RNF181: variants seen among roughly 807,000 people sequenced by gnomAD.
The protein encoded by RNF181 is E3 ubiquitin-protein ligase RNF181.
RNF181 carries 25 observed loss-of-function variants against 23.3 expected under a neutral mutation model. The ratio of observed to expected loss-of-function variants is 1.07; its 90% CI spans 0.78 to 1.50. RNF181 has a LOEUF of 1.50. Ranked by LOEUF, RNF181 falls within the 40% of genes most tolerant of loss-of-function variation. The pLI is 0.00. For missense variants in RNF181, 167 were observed against 191.1 expected, an observed-to-expected ratio of 0.87 and a Z score of 0.74; for synonymous variants, 62 against 70.9, an observed-to-expected ratio of 0.87 and a Z score of 0.63.
intron 1 of RNF181, 76 bp from the exon 2 acceptor site, chr2:85,596,433 AGCGTGTTTAT>A: frequency 7.3e-7 from 1 of 1,370,268 alleles, no homozygotes; most frequent in Non-Finnish European, 9.9e-7. Flanking sequence ...CTAGCTGGGC[AGCGTGTTTAT>A]TAATGTCCAG....
Position 85,597,643 on chromosome 2 carries a change from TTC to T in RNF181, c.*141_*142del. On this transcript the variant is annotated 3_prime_UTR_variant, in exon 5 of 5. Transcript: ENST00000306368. The stretch of plus-strand genomic sequence containing the variant: ...TCTGCATCCTCCATCAGGTCTCTAC[TTC>T]TGTTGGGGAAGGTGATCCTAAATCG... The T allele has an allele frequency of 2.8e-6, 4 of 1,427,664 alleles. No individual in the cohort carries two copies. The highest frequency in any genetic ancestry group is 2.8e-6 in the Non-Finnish European group (3 of 1,085,260). 88.4% of individuals were successfully genotyped at this position (1,427,664 alleles called of 1,614,324 possible).
rs549925849 is a variant in RNF181 at position 85,596,967 on chromosome 2, T to G, written c.327+36T>G. On this transcript the variant is annotated intron_variant, in intron 3 of 4. Transcript: ENST00000306368. Reference sequence around the variant, plus strand: ...TCTTCTTCTAGCTCTCACCGTGCCCTGGGCCCAGTACTCAAGCTTCTTTCT... The same window carrying G: ...TCTTCTTCTAGCTCTCACCGTGCCCGGGGCCCAGTACTCAAGCTTCTTTCT... The G allele has an allele frequency of 3.4e-5, 55 of 1,614,110 alleles. No homozygotes were observed. The Middle Eastern group carries it at 4.9e-4, about 15-fold the overall frequency.
In RNF181 at chr2:85,597,633, A is replaced by G; in HGVS notation, c.*129A>G. The G allele has an allele frequency of 6.8e-7, 1 of 1,463,368 alleles. No homozygotes were observed. Among genetic ancestry groups the G allele is most frequent in the Non-Finnish European group, 9.0e-7 (1 of 1,106,858 alleles). 90.6% of individuals were successfully genotyped at this position (1,463,368 alleles called of 1,614,324 possible). The stretch of plus-strand genomic sequence containing the variant: ...GGCCAGGGGCTCTGCATCCTCCATC[A>G]GGTCTCTACTTCTGTTGGGGAAGGT... On this transcript the variant is annotated 3_prime_UTR_variant, in exon 5 of 5. Coordinates refer to ENST00000306368, the MANE Select transcript of RNF181 (RefSeq NM_016494.4).
intron 4 of RNF181, 130 bp downstream of exon 4, chr2:85,597,308 C>A (rs377031223): frequency 7.2e-6 from 10 of 1,395,844 alleles, no homozygotes; most frequent in Non-Finnish European, 9.8e-6. Flanking sequence ...TTCTTAGTGA[C>A]TTTGATTTGT....
Position 85,597,480 on chromosome 2 carries a change from C to T in RNF181, c.438C>T (p.Asn146=), listed in dbSNP as rs1453849093. The T allele has an allele frequency of 1.9e-6, 3 of 1,612,876 alleles. No homozygotes were observed. Among genetic ancestry groups the T allele is most frequent in the South Asian group, 2.2e-5 (2 of 90,914 alleles). ...RKQQQQHRLE[N]LHGAMYT is the part of the protein sequence containing the mutation. ...AGCAGCAGCAACACCGACTGGAGAA[C>T]CTCCATGGAGCCATGTACACGTGAG... is the stretch of plus-strand genomic sequence containing the variant. The change falls in exon 5 of 5, where the codon AAC becomes AAT. Residue 146 remains asparagine (N), a synonymous_variant. Coordinates refer to ENST00000306368, the MANE Select transcript of RNF181 (RefSeq NM_016494.4).
At chr2:85,596,682 C>T in intron 2 of RNF181, 33 bp downstream of exon 2, 1 of 1,613,674 alleles carries the variant, frequency 6.2e-7, no homozygotes, top group Non-Finnish European at 8.5e-7. Context: ...CTATTTGGGC[C>T]AGACCCACCC....
Position 85,595,745 on chromosome 2 carries a change from G to C in RNF181, c.-19G>C, listed in dbSNP as rs375993615. The C allele has an allele frequency of 8.7e-6, 14 of 1,611,758 alleles. No individual in the cohort carries two copies. The highest frequency in any genetic ancestry group is 4.0e-5 in the African/African-American group (3 of 74,894). On this transcript the variant is annotated 5_prime_UTR_variant, in exon 1 of 5. Transcript: ENST00000306368. ...CTATCGAGCAGGGTCCGAGGGCTGT[G>C]TCAGAAGGCTGGGCAGCCATGGCGT...
At position 85,597,561 on chromosome 2, in the gene RNF181, A is replaced by T; in HGVS notation, c.*57A>T. 6.2e-7 allele frequency: 1 copy of T among 1,607,880 alleles called. No individual in the cohort carries two copies. Among genetic ancestry groups the T allele is most frequent in the Non-Finnish European group, 8.5e-7 (1 of 1,177,586 alleles). On this transcript the variant is annotated 3_prime_UTR_variant, in exon 5 of 5. Transcript: ENST00000306368. ...TCTTCCTTATTAACCTTGAATCCTCATTAAAGGTTTCTTTACCCACCCTGA... is the reference window on the plus strand; with the variant it reads ...TCTTCCTTATTAACCTTGAATCCTCTTTAAAGGTTTCTTTACCCACCCTGA...
chr2:85,596,783 G>C, intron 2 of RNF181, 39 bp from the exon 3 acceptor site: 5 of 1,611,326 alleles, frequency 3.1e-6, no homozygotes, highest in Non-Finnish European at 4.2e-6. Context: ...GGGAGGCAGA[G>C]CCTGTAGCAG....
chr2:85,596,740 G>T (rs748344976), intron 2 of RNF181, 82 bp from the exon 3 acceptor site: 2 of 1,610,026 alleles, frequency 1.2e-6, no homozygotes, highest in South Asian at 2.2e-5. Flanking sequence ...TCCAGGTCAG[G>T]TGGGGGCAAG....
Position 85,597,524 on chromosome 2 carries a change from T to C in RNF181, c.*20T>C, listed in dbSNP as rs2104066661. On this transcript the variant is annotated 3_prime_UTR_variant, in exon 5 of 5. Coordinates refer to ENST00000306368, the MANE Select transcript of RNF181 (RefSeq NM_016494.4). ...ACGTGAGGAGGTTGGGGCTGAGTGC[T>C]GGCCCTCTGCGTCTTCCTTATTAAC... The C allele has an allele frequency of 6.2e-7, 1 of 1,613,668 alleles. No homozygotes were observed. The highest frequency in any genetic ancestry group is 8.5e-7 in the Non-Finnish European group (1 of 1,179,856).
In RNF181 at chr2:85,596,604, GTGGT is replaced by G; in HGVS notation, c.175_178del (p.Val59ArgfsTer48). The G allele has an allele frequency of 6.2e-7, 1 of 1,614,148 alleles. No homozygotes were observed. The highest frequency in any genetic ancestry group is 8.5e-7 in the Non-Finnish European group (1 of 1,180,006). On this transcript the variant is annotated frameshift_variant, in exon 2 of 5. Transcript: ENST00000306368. LOFTEE classifies it high-confidence loss of function. ...CCTGCCTCCACCAGCTGCCAAGACTGTGGTTGAGAACCTCCCCAGGACAGTCATC... is the reference window on the plus strand; with the variant it reads ...CCTGCCTCCACCAGCTGCCAAGACTGTGAGAACCTCCCCAGGACAGTCATC...
In RNF181 at chr2:85,596,565, G is replaced by C. The variant is rs1290118142; in HGVS notation, c.133G>C (p.Asp45His). ...MDFEDLGLVV[D>H]WDHHLPPPAA... The stretch of plus-strand genomic sequence containing the variant: ...CTTTGAAGACTTGGGGTTGGTAGTA[G>C]ATTGGGACCACCACCTGCCTCCACC... Residue 45 changes from aspartate (D) to histidine (H), a missense_variant, in exon 2 of 5, where the codon GAT (aspartate) becomes CAT (histidine). Transcript: ENST00000306368. 6.2e-7 allele frequency: 1 copy of C among 1,614,060 alleles called. No individual in the cohort carries two copies. The highest frequency in any genetic ancestry group is 8.5e-7 in the Non-Finnish European group (1 of 1,179,944).
Position 85,597,708 on chromosome 2 carries a change from C to A in RNF181, c.*204C>A. On this transcript the variant is annotated 3_prime_UTR_variant, in exon 5 of 5. Transcript: ENST00000306368. The stretch of plus-strand genomic sequence containing the variant: ...GGCTGCGGTTTTCCTCCCTGCTGGC[C>A]CATCTGGACTCATGGCAGTGGTAAA... 1 of 915,934 alleles carries A rather than the reference C, an allele frequency of 1.1e-6. No homozygotes were observed. Among genetic ancestry groups the A allele is most frequent in the Non-Finnish European group, 1.6e-6 (1 of 641,584 alleles). The allele number at this position is 915,934 out of a possible 1,614,324, so 56.7% of individuals were successfully genotyped here.
chr2:85,595,755 T>C lies in RNF181; in HGVS notation c.-9T>C. 1 of 1,613,172 alleles carries C rather than the reference T, an allele frequency of 6.2e-7. No individual in the cohort carries two copies. Among genetic ancestry groups the C allele is most frequent in the Non-Finnish European group, 8.5e-7 (1 of 1,179,646 alleles). On this transcript the variant is annotated 5_prime_UTR_variant, in exon 1 of 5. Transcript: ENST00000306368. ...GGGTCCGAGGGCTGTGTCAGAAGGC[T>C]GGGCAGCCATGGCGTCCTATTTCGA... is the stretch of plus-strand genomic sequence containing the variant.
At position 85,596,776 on chromosome 2, in the gene RNF181, AG is replaced by A. The variant is rs781460555; in HGVS notation, c.218-44del. The A allele has an allele frequency of 2.6e-4, 423 of 1,608,330 alleles. 1 individual carries two copies. The highest frequency in any genetic ancestry group is 3.4e-4 in the Non-Finnish European group (401 of 1,174,738). On this transcript the variant is annotated intron_variant, in intron 2 of 4. Transcript: ENST00000306368. ...TGTCCTTCAGGAGTGGGAGCTTGGG[AG>A]GCAGAGCCTGTAGCAGCTCTCCTGA...
At chr2:85,596,130 G>A (rs1672668308) in intron 1 of RNF181, among the ~76,000 whole-genome samples, 1 of 152,052 alleles carries the variant, frequency 6.6e-6, no homozygotes, top group Non-Finnish European at 1.5e-5. Flanking sequence ...AGGTCTCAGA[G>A]AAGGTGAGGC....
At position 85,597,526 on chromosome 2, in the gene RNF181, G is replaced by A; in HGVS notation, c.*22G>A. ...GTGAGGAGGTTGGGGCTGAGTGCTG[G>A]CCCTCTGCGTCTTCCTTATTAACCT... On this transcript the variant is annotated 3_prime_UTR_variant, in exon 5 of 5. Transcript: ENST00000306368. 2 of 1,613,396 alleles carry A rather than the reference G, an allele frequency of 1.2e-6. No individual in the cohort carries two copies. Among genetic ancestry groups the A allele is most frequent in the Non-Finnish European group, 1.7e-6 (2 of 1,179,772 alleles).
rs1179866602 is a variant in RNF181, at chr2:85,595,759, C to A, written c.-5C>A. On this transcript the variant is annotated 5_prime_UTR_variant, in exon 1 of 5. Coordinates refer to ENST00000306368, the MANE Select transcript of RNF181 (RefSeq NM_016494.4). Reference sequence around the variant, plus strand: ...CCGAGGGCTGTGTCAGAAGGCTGGGCAGCCATGGCGTCCTATTTCGATGAA... The same window carrying A: ...CCGAGGGCTGTGTCAGAAGGCTGGGAAGCCATGGCGTCCTATTTCGATGAA... 13 of 1,613,324 alleles carry A rather than the reference C, an allele frequency of 8.1e-6. No homozygotes were observed. The highest frequency in any genetic ancestry group is 1.1e-5 in the Non-Finnish European group (13 of 1,179,726).
Sources: gnomAD v4.1 joint callset for allele counts (sites outside exome capture counted in the v4.1 genomes callset) on GRCh38, gnomAD v4.1.1 for gene constraint, MANE v1.5 for transcripts, NCBI Gene and HGNC (gene_info 2026-07-23, HGNC 2026-07-21) for gene names.